LRMDA: variants seen among roughly 807,000 people sequenced by gnomAD.
LRMDA encodes leucine-rich melanocyte differentiation-associated protein.
LRMDA carries 18 observed loss-of-function variants against 29.8 expected under a neutral mutation model. The ratio of observed to expected loss-of-function variants is 0.60; its 90% confidence interval spans 0.42 to 0.90. The LOEUF is 0.90. Among genes scored for constraint, LRMDA ranks in the 40% least tolerant of loss-of-function variants. The probability of loss-of-function intolerance (pLI) is 0.00; values close to 1 mark genes in which losing one functional copy is unlikely to be tolerated. For missense variants in LRMDA, 273 were observed against 273.9 expected (o/e 1.00, Z 0.02); for synonymous variants, 125 against 109.4 (o/e 1.14, Z -0.89).
At chr10:75,956,731 A>G (rs1204112146) in intron 2 of LRMDA, among the ~76,000 whole-genome samples, 6 of 152,306 alleles carry the variant, frequency 3.9e-5, no homozygotes. Flanking sequence ...TTTGTGCTGT[A>G]TTTCATGGGA....
intron 2 of LRMDA, among the ~76,000 whole-genome samples, chr10:75,629,277 G>C (rs2132111710): frequency 1.3e-5 from 2 of 152,284 alleles, no homozygotes; most frequent in African/African-American, 4.8e-5. Context: ...GGCAAGTGAA[G>C]CTGGAAGTTT....
intron 2 of LRMDA, among the ~76,000 whole-genome samples, chr10:75,627,698 A>G (rs564751142): frequency 4.6e-5 from 7 of 152,152 alleles, no homozygotes; most frequent in African/African-American, 9.7e-5. Context: ...ACAGAAATCT[A>G]CCTCTACCAC....
At chr10:76,404,690 C>G (rs2132500773) in intron 6 of LRMDA, among the ~76,000 whole-genome samples, 1 of 152,300 alleles carries the variant, frequency 6.6e-6, no homozygotes, top group African/African-American at 2.4e-5. Context: ...TCCAAAGTCT[C>G]CTTCTCATTG....
At chr10:75,834,491 C>T (rs1844399726) in intron 2 of LRMDA, among the ~76,000 whole-genome samples, 2 of 152,134 alleles carry the variant, frequency 1.3e-5, no homozygotes, top group Admixed American at 1.3e-4. Context: ...GAGCATTTCC[C>T]AAATCATCAA....
chr10:75,578,374 C>T (rs1271824694), intron 2 of LRMDA, among the ~76,000 whole-genome samples: 1 of 151,778 alleles, frequency 6.6e-6, no homozygotes, highest in Non-Finnish European at 1.5e-5. Flanking sequence ...ATATATGTAC[C>T]CAGTACAGGA....
chr10:75,988,628 A>G (rs1564624079), intron 2 of LRMDA, among the ~76,000 whole-genome samples: 1 of 151,848 alleles, frequency 6.6e-6, no homozygotes, highest in Non-Finnish European at 1.5e-5. Context: ...ATAATAATAC[A>G]TTTGTTTGCT....
chr10:75,695,123 T>C (rs1207742123), intron 2 of LRMDA, among the ~76,000 whole-genome samples: 1 of 152,200 alleles, frequency 6.6e-6, no homozygotes, highest in East Asian at 1.9e-4. Flanking sequence ...ACAGCAGTTC[T>C]GTGATTAACC....
chr10:75,874,784 A>G (rs1344313673), intron 2 of LRMDA, among the ~76,000 whole-genome samples: 3 of 152,236 alleles, frequency 2.0e-5, no homozygotes, highest in Admixed American at 1.3e-4. Context: ...TCCCAAATAT[A>G]TAATAGTATA....
At chr10:75,799,030 A>G (rs1843701932) in intron 2 of LRMDA, among the ~76,000 whole-genome samples, 1 of 152,224 alleles carries the variant, frequency 6.6e-6, no homozygotes, top group South Asian at 2.1e-4. Flanking sequence ...ATAGTGTTCT[A>G]AAAATATCAA....
At chr10:76,227,411 A>G (rs1851979524) in intron 5 of LRMDA, among the ~76,000 whole-genome samples, 1 of 152,184 alleles carries the variant, frequency 6.6e-6, no homozygotes, top group Non-Finnish European at 1.5e-5. Flanking sequence ...AAACTCCTTC[A>G]ATGTGATTGA....
intron 5 of LRMDA, among the ~76,000 whole-genome samples, chr10:76,163,833 G>T (rs1022484345): frequency 2.0e-5 from 3 of 152,138 alleles, no homozygotes; most frequent in Non-Finnish European, 4.4e-5. Flanking sequence ...TATTTCTGAA[G>T]ATGAGTCTCA....
At chr10:76,365,609 T>C (rs1841383344) in intron 6 of LRMDA, among the ~76,000 whole-genome samples, 1 of 152,298 alleles carries the variant, frequency 6.6e-6, no homozygotes, top group East Asian at 1.9e-4. Context: ...TTTTTCTTAC[T>C]GATTTGTTTG....
chr10:76,456,015 C>T (rs939507998), intron 6 of LRMDA, among the ~76,000 whole-genome samples: 1 of 152,118 alleles, frequency 6.6e-6, no homozygotes, highest in Non-Finnish European at 1.5e-5. Context: ...TAGTATTTCT[C>T]CTCTTCCTCC....
intron 2 of LRMDA, among the ~76,000 whole-genome samples, chr10:75,671,413 A>G (rs1841889816): frequency 1.3e-5 from 2 of 152,180 alleles, no homozygotes; most frequent in African/African-American, 4.8e-5. Flanking sequence ...TTGACACCGT[A>G]GATCTCCTTG....
intron 2 of LRMDA, among the ~76,000 whole-genome samples, chr10:75,447,844 G>A (rs1479959035): frequency 3.3e-5 from 5 of 152,014 alleles, no homozygotes; most frequent in Non-Finnish European, 7.4e-5. Flanking sequence ...TGCAGTGTTT[G>A]TGCTACTGCA....
chr10:75,494,747 C>T (rs1032018742), intron 2 of LRMDA, among the ~76,000 whole-genome samples: 1 of 152,118 alleles, frequency 6.6e-6, no homozygotes, highest in African/African-American at 2.4e-5. Context: ...GTGATCCACC[C>T]ACCTTGGCCT....
chr10:75,485,916 C>T (rs995760980), intron 2 of LRMDA, among the ~76,000 whole-genome samples: 2 of 152,182 alleles, frequency 1.3e-5, no homozygotes, highest in Admixed American at 1.3e-4. Context: ...GTTTTTATCT[C>T]TACCAATTCT....
At chr10:76,258,526 C>G (rs745703134) in intron 5 of LRMDA, among the ~76,000 whole-genome samples, 2 of 152,076 alleles carry the variant, frequency 1.3e-5, no homozygotes, top group Non-Finnish European at 2.9e-5. Flanking sequence ...CTGTAATCAT[C>G]CTACAATGTT....
At chr10:75,562,709 T>A (rs1184517177) in intron 2 of LRMDA, among the ~76,000 whole-genome samples, 2 of 152,172 alleles carry the variant, frequency 1.3e-5, no homozygotes, top group Non-Finnish European at 2.9e-5. Context: ...TCAGGAGCTC[T>A]TTTAGGGCAG....
Sources: allele counts gnomAD v4.1 joint callset (sites outside exome capture counted in the v4.1 genomes callset), GRCh38; gene constraint gnomAD v4.1.1; transcripts MANE v1.5; gene names NCBI Gene and HGNC (gene_info 2026-07-23, HGNC 2026-07-21).